Variants in SHB observed in about 807,000 individuals in gnomAD.
The protein encoded by SHB is SH2 domain-containing adapter protein B.
SHB carries 20 observed loss-of-function variants against 52.3 expected under a neutral mutation model. The ratio of observed to expected loss-of-function variants is 0.38; its 90% CI spans 0.27 to 0.56. SHB has a LOEUF of 0.56. SHB is among the 20% of genes least tolerant of loss of function. The pLI, the probability that SHB is intolerant of heterozygous loss-of-function variation, is 0.71. For missense variants in SHB, 825 were observed against 723.3 expected (o/e 1.14, Z -1.61); for synonymous variants, 397 against 316.5 (o/e 1.25, Z -2.70).
intron 5 of SHB, among the ~76,000 whole-genome samples, chr9:37,924,623 T>C (rs570466548): frequency 9.9e-5 from 15 of 152,204 alleles, no homozygotes; most frequent in African/African-American, 3.4e-4. Flanking sequence ...CCCAGAACAT[T>C]AGCCCTCAGG....
chr9:37,974,904 C>T (rs939733800), intron 2 of SHB, 67 bp from the exon 3 acceptor site: 2 of 1,306,894 alleles, frequency 1.5e-6, no homozygotes, highest in South Asian at 1.2e-5. Context: ...CATTCCCACC[C>T]AGAAACACCA....
chr9:37,960,670 T>G (rs892688601), intron 3 of SHB, among the ~76,000 whole-genome samples: 12 of 152,198 alleles, frequency 7.9e-5, no homozygotes, highest in African/African-American at 2.9e-4. Flanking sequence ...TTCCTGGCCC[T>G]CCCATCTGGA....
At chr9:38,009,434 C>A (rs1821110463) in intron 2 of SHB, among the ~76,000 whole-genome samples, 1 of 152,228 alleles carries the variant, frequency 6.6e-6, no homozygotes, top group African/African-American at 2.4e-5. Flanking sequence ...CTCTAAGAAT[C>A]CTCTTGACAC....
At chr9:38,008,906 TC>T (rs1359357756) in intron 2 of SHB, among the ~76,000 whole-genome samples, 1 of 152,108 alleles carries the variant, frequency 6.6e-6, no homozygotes. Flanking sequence ...TGTGTGGACA[TC>T]CTGGGAGCAG....
At chr9:38,022,140 A>G (rs1221512935) in intron 1 of SHB, among the ~76,000 whole-genome samples, 1 of 152,216 alleles carries the variant, frequency 6.6e-6, no homozygotes, top group Non-Finnish European at 1.5e-5. Context: ...TTTGGGGGCC[A>G]CTAATCTCTT....
intron 2 of SHB, among the ~76,000 whole-genome samples, chr9:37,978,049 G>T (rs998075834): frequency 1.3e-5 from 2 of 152,210 alleles, no homozygotes; most frequent in Non-Finnish European, 2.9e-5. Context: ...CTGACAGCCA[G>T]AAACCACTAT....
Position 38,050,009 on chromosome 9 carries a change from T to C in SHB, c.717+17920A>G, listed in dbSNP as rs530936370. On this transcript the variant is annotated intron_variant, in intron 1 of 5. Transcript: ENST00000377707. ...TTTCACCATGTTGGTCAGGTTGGTC[T>C]CGAACTCCTGACCTCAAGTGATCCT... is the stretch of plus-strand genomic sequence containing the variant. 3.9e-5 allele frequency among the ~76,000 whole-genome samples: 6 copies of C among 152,340 alleles called. No homozygotes were observed. In the South Asian group the frequency reaches 1.2e-3, roughly 32 times the overall value.
In SHB at chr9:37,919,533, A is replaced by C; in HGVS notation, c.*288T>G. 5.1e-6 allele frequency: 1 copy of C among 196,478 alleles called. No individual in the cohort carries two copies. Among genetic ancestry groups the C allele is most frequent in the Non-Finnish European group, 1.0e-5 (1 of 98,830 alleles). The allele number at this position is 196,478 out of a possible 1,614,324, so 12.2% of individuals were successfully genotyped here. A position where few individuals can be genotyped will look rare whatever the true frequency, so the allele number is the denominator to read the frequency against. On this transcript the variant is annotated 3_prime_UTR_variant, in exon 6 of 6. Coordinates refer to ENST00000377707, the MANE Select transcript of SHB (RefSeq NM_003028.3). ...CCTCGGAGCTGGTCTGCCTTTGTTC[A>C]TCCTGGAAGGCATCTCTTTGGATTT...
intron 5 of SHB, among the ~76,000 whole-genome samples, chr9:37,922,357 C>T (rs926400672): frequency 1.1e-4 from 17 of 152,236 alleles, no homozygotes; most frequent in African/African-American, 4.1e-4. Flanking sequence ...GAGTCCGAAG[C>T]AGAAGCTAAG....
chr9:37,995,362 C>T (rs899962739), intron 2 of SHB, among the ~76,000 whole-genome samples: 1 of 141,818 alleles, frequency 7.1e-6, no homozygotes, highest in African/African-American at 2.5e-5. Flanking sequence ...CTCCTCTTAG[C>T]GCGAGCCCTC....
intron 5 of SHB, among the ~76,000 whole-genome samples, chr9:37,926,118 C>G (rs535442160): frequency 6.6e-6 from 1 of 152,214 alleles, no homozygotes; most frequent in South Asian, 2.1e-4. Context: ...GGGTGAGAGC[C>G]AGCATGGAGG....
At chr9:37,940,368 C>G (rs1832421091) in intron 5 of SHB, among the ~76,000 whole-genome samples, 1 of 152,268 alleles carries the variant, frequency 6.6e-6, no homozygotes. Context: ...GGCATCTGCA[C>G]ATTCTAAAGT....
chr9:37,979,687 TG>T (rs1166415057), intron 2 of SHB, among the ~76,000 whole-genome samples: 1 of 150,970 alleles, frequency 6.6e-6, no homozygotes, highest in Non-Finnish European at 1.5e-5. Flanking sequence ...TTGGGTGCAG[TG>T]GTTCATGCCT....
At chr9:38,021,277 T>C (rs926737863) in intron 1 of SHB, among the ~76,000 whole-genome samples, 1 of 148,996 alleles carries the variant, frequency 6.7e-6, no homozygotes, top group Admixed American at 6.7e-5. Flanking sequence ...GAGGTGGAGG[T>C]TGTGGTGAGC....
At chr9:38,064,575 A>T (rs1013684748) in intron 1 of SHB, among the ~76,000 whole-genome samples, 7 of 152,244 alleles carry the variant, frequency 4.6e-5, no homozygotes, top group African/African-American at 1.7e-4. Context: ...CCCTAGATCC[A>T]GCTCAAAGCC....
rs989167999 is a variant in SHB at position 37,970,092 on chromosome 9, T to G, written c.1054+4530A>C. On this transcript the variant is annotated intron_variant, in intron 3 of 5. Coordinates refer to ENST00000377707, the MANE Select transcript of SHB (RefSeq NM_003028.3). Reference sequence around the variant, plus strand: ...CATCACTTCCCTGTGGAGGCAGAGCTGCAGTCCACTCCCTGCAGCCAGCAG... The same window carrying G: ...CATCACTTCCCTGTGGAGGCAGAGCGGCAGTCCACTCCCTGCAGCCAGCAG... Among the ~76,000 whole-genome samples, 7 of 152,180 alleles carry G rather than the reference T, an allele frequency of 4.6e-5. No homozygotes were observed. The East Asian group carries it at 1.3e-3, about 29-fold the overall frequency.
At chr9:37,951,326 G>C (rs1211649594) in intron 4 of SHB, among the ~76,000 whole-genome samples, 19 of 152,238 alleles carry the variant, frequency 1.2e-4, no homozygotes, top group Admixed American at 1.0e-3. Context: ...GGAATGTGAA[G>C]TTGGGGTATG....
intron 4 of SHB, among the ~76,000 whole-genome samples, chr9:37,953,392 G>A (rs1450285760): frequency 6.6e-6 from 1 of 152,128 alleles, no homozygotes; most frequent in Non-Finnish European, 1.5e-5. Flanking sequence ...GTTCTCAGCA[G>A]GGGCAGTTGA....
chr9:38,059,260 G>A (rs1821862147), intron 1 of SHB, among the ~76,000 whole-genome samples: 1 of 65,360 alleles, frequency 1.5e-5, no homozygotes, highest in Non-Finnish European at 3.6e-5. Context: ...CACCTGTCGA[G>A]TCACTCTCCC....
Sources: gnomAD v4.1 joint callset for allele counts (sites outside exome capture counted in the v4.1 genomes callset) on GRCh38, gnomAD v4.1.1 for gene constraint, MANE v1.5 for transcripts, NCBI Gene and HGNC (gene_info 2026-07-23, HGNC 2026-07-21) for gene names.